RBM28: variants seen among roughly 807,000 people sequenced by gnomAD.
RBM28 encodes the protein RNA binding motif protein 28, also known as RNA-binding protein 28.
RBM28 carries 78 observed loss-of-function variants against 98.3 expected under a neutral mutation model. The observed-to-expected ratio is 0.79, with a 90% CI of 0.66 to 0.96. The LOEUF is 0.96. Ranked by LOEUF, RBM28 falls within the 40% of genes least tolerant of loss-of-function variation. RBM28 has a pLI of 0.00. For missense variants in RBM28, 838 were observed against 913.0 expected, an observed-to-expected ratio of 0.92 and a Z score of 1.06; for synonymous variants, 306 against 330.9, an observed-to-expected ratio of 0.92 and a Z score of 0.82.
Position 128,335,698 on chromosome 7 carries a change from G to T in RBM28, c.810-19C>A. On this transcript the variant is annotated intron_variant, in intron 7 of 18. Coordinates refer to ENST00000223073, the MANE Select transcript of RBM28 (RefSeq NM_018077.3). ...GACTGCTCTGCAATGGCACAGATCAGAACTAAGGAGGTGGGCTGACAGAGG... is the reference window on the plus strand; with the variant it reads ...GACTGCTCTGCAATGGCACAGATCATAACTAAGGAGGTGGGCTGACAGAGG... 6.2e-7 allele frequency: 1 copy of T among 1,614,118 alleles called. No homozygotes were observed. The highest frequency in any genetic ancestry group is 8.5e-7 in the Non-Finnish European group (1 of 1,180,024).
At chr7:128,324,732 G>A (rs1796309913) in intron 11 of RBM28, 38 bp from the exon 12 acceptor site, 1 of 1,613,484 alleles carries the variant, frequency 6.2e-7, no homozygotes, top group Non-Finnish European at 8.5e-7. Flanking sequence ...AACACATAAT[G>A]GCCGGGCACA....
rs949161058 is a variant in RBM28 at position 128,330,009 on chromosome 7, C to T, written c.1129+810G>A. On this transcript the variant is annotated intron_variant, in intron 10 of 18. Coordinates refer to ENST00000223073, the MANE Select transcript of RBM28 (RefSeq NM_018077.3). ...TTTACCTAACAACAGTATACTAGAA[C>T]GAAGAATGGTCAATGCTTAAAACTC... 2.7e-5 allele frequency among the ~76,000 whole-genome samples: 4 copies of T among 148,608 alleles called. No individual in the cohort carries two copies. In the South Asian group the frequency reaches 6.3e-4, roughly 24 times the overall value.
intron 13 of RBM28, among the ~76,000 whole-genome samples, chr7:128,322,607 T>C (rs1796260977): frequency 1.3e-5 from 2 of 152,240 alleles, no homozygotes; most frequent in South Asian, 4.1e-4. Context: ...TTATAATGCA[T>C]ACCTATCATT....
chr7:128,342,844 C>G (rs1289466454), intron 1 of RBM28, among the ~76,000 whole-genome samples: 1 of 152,138 alleles, frequency 6.6e-6, no homozygotes, highest in Non-Finnish European at 1.5e-5. Flanking sequence ...TTTTCTCTTC[C>G]TGAATTGTTC....
intron 8 of RBM28, among the ~76,000 whole-genome samples, chr7:128,334,304 C>T (rs1796550012): frequency 6.6e-6 from 1 of 152,174 alleles, no homozygotes; most frequent in African/African-American, 2.4e-5. Context: ...TTACACTCTT[C>T]TGTGTTGTGT....
In RBM28 at chr7:128,304,533, TGACA is replaced by T. The variant is rs1212164577; in HGVS notation, c.*6260_*6263del. 6.6e-6 allele frequency: 1 copy of T among 152,228 alleles called. No individual in the cohort carries two copies. Among genetic ancestry groups the T allele is most frequent in the Non-Finnish European group, 1.5e-5 (1 of 68,064 alleles). The allele number at this position is 152,228 out of a possible 1,614,324, so 9.4% of individuals were successfully genotyped here. A position where few individuals can be genotyped will look rare whatever the true frequency, so the allele number is the denominator to read the frequency against. On this transcript the variant is annotated 3_prime_UTR_variant, in exon 19 of 19. Coordinates refer to ENST00000223073, the MANE Select transcript of RBM28 (RefSeq NM_018077.3). ...GCACGAAACCTCTCCACTGCTATCC[TGACA>T]GAGATGGGGCATGTACTTCCCAGGG...
At chr7:128,332,613 C>T (rs1035180885) in intron 9 of RBM28, among the ~76,000 whole-genome samples, 4 of 152,132 alleles carry the variant, frequency 2.6e-5, no homozygotes, top group South Asian at 2.1e-4. Flanking sequence ...CAGCCTCCCA[C>T]GGTGCTGAGA....
At position 128,324,584 on chromosome 7, in the gene RBM28, C is replaced by T. The variant is rs758073076; in HGVS notation, c.1314G>A (p.Arg438=). Residue 438 remains arginine (R), a synonymous_variant, in exon 12 of 19, where the codon CGG becomes CGA. Coordinates refer to ENST00000223073, the MANE Select transcript of RBM28 (RefSeq NM_018077.3). ...TTKVKKPTGT[R]NLYLAREGLI... ...AGCCTTCTCGGGCCAGATAGAGATT[C>T]CGGGTGCCAGTCGGCTTCTTCACCT... 1 of 1,614,108 alleles carries T rather than the reference C, an allele frequency of 6.2e-7. No homozygotes were observed. The highest frequency in any genetic ancestry group is 1.3e-5 in the African/African-American group (1 of 74,934).
intron 18 of RBM28, among the ~76,000 whole-genome samples, chr7:128,311,556 GA>G (rs1795986111): frequency 6.6e-6 from 1 of 152,138 alleles, no homozygotes; most frequent in Non-Finnish European, 1.5e-5. Context: ...TCCTGCACTA[GA>G]AAGCAAGGAT....
At chr7:128,333,466 A>C in intron 8 of RBM28, 104 bp from the exon 9 acceptor site, 1 of 980,816 alleles carries the variant, frequency 1.0e-6, no homozygotes, top group Non-Finnish European at 1.6e-6. Flanking sequence ...GCAGTGGCTC[A>C]TGCCACTTTG....
intron 14 of RBM28, among the ~76,000 whole-genome samples, chr7:128,319,420 A>G (rs1449063734): frequency 6.6e-6 from 1 of 152,216 alleles, no homozygotes; most frequent in Non-Finnish European, 1.5e-5. Flanking sequence ...GATAGGAGAA[A>G]TTACACAACT....
chr7:128,330,727 CAA>C, intron 10 of RBM28, 90 bp downstream of exon 10: 1 of 954,184 alleles, frequency 1.0e-6, no homozygotes, highest in African/African-American at 1.6e-5. Flanking sequence ...GTGAACCCCT[CAA>C]AATGGCACAC....
rs1410804316 is a variant in RBM28 at position 128,297,786 on chromosome 7, C to T, written c.*13011G>A. 2.6e-5 allele frequency: 4 copies of T among 152,014 alleles called. No individual in the cohort carries two copies. 9.4% of individuals were successfully genotyped at this position (152,014 alleles called of 1,614,324 possible). A position where few individuals can be genotyped will look rare whatever the true frequency, so the allele number is the denominator to read the frequency against. ...GATAGACTGGATTAAGAAAATGTGG[C>T]ACATATACACATATGCAGCCATAAA... On this transcript the variant is annotated 3_prime_UTR_variant, in exon 19 of 19. Coordinates refer to ENST00000223073, the MANE Select transcript of RBM28 (RefSeq NM_018077.3).
At chr7:128,324,883 G>A (rs1796313738) in intron 11 of RBM28, among the ~76,000 whole-genome samples, 189 bp from the exon 12 acceptor site, 1 of 152,034 alleles carries the variant, frequency 6.6e-6, no homozygotes, top group Non-Finnish European at 1.5e-5. Context: ...GCATGGTGGT[G>A]TGCGCCTGTA....
Position 128,330,881 on chromosome 7 carries a change from T to TG in RBM28, c.1066dup (p.Gln356ProfsTer21). 6.2e-7 allele frequency: 1 copy of TG among 1,614,180 alleles called. No individual in the cohort carries two copies. The highest frequency in any genetic ancestry group is 8.5e-7 in the Non-Finnish European group (1 of 1,180,008). On this transcript the variant is annotated frameshift_variant, in exon 10 of 19. Transcript: ENST00000223073. LOFTEE classifies it high-confidence loss of function. ...GACATATTTGAGTTCTCCAAACTGT[T>TG]GGAGAAGCTCCCCAAGTTCTTCTTC...
chr7:128,320,219 AAAAAAAAAAAAAAAAAG>A (rs1366751818), intron 14 of RBM28, among the ~76,000 whole-genome samples: 5 of 47,662 alleles, frequency 1.0e-4, no homozygotes, highest in East Asian at 8.5e-4. Context: ...CCGTCTCAAA[AAAAAAAAAAAAAAAAAG>A]AAAGAAAGAA....
rs1210150138 is a variant in RBM28 at position 128,308,822 on chromosome 7, A to G, written c.*1975T>C. On this transcript the variant is annotated 3_prime_UTR_variant, in exon 19 of 19. Transcript: ENST00000223073. ...GTGAAAACCCGTCTCTACTAAAAATACAAAAATTAGCCGGGCGTGGTGGCA... is the reference window on the plus strand; with the variant it reads ...GTGAAAACCCGTCTCTACTAAAAATGCAAAAATTAGCCGGGCGTGGTGGCA... 1 of 152,252 alleles carries G rather than the reference A, an allele frequency of 6.6e-6. No homozygotes were observed. Among genetic ancestry groups the G allele is most frequent in the African/African-American group, 2.4e-5 (1 of 41,404 alleles). 9.4% of individuals were successfully genotyped at this position (152,252 alleles called of 1,614,324 possible). A position where few individuals can be genotyped will look rare whatever the true frequency, so the allele number is the denominator to read the frequency against.
intron 11 of RBM28, 49 bp from the exon 12 acceptor site, chr7:128,324,743 G>A: frequency 6.2e-7 from 1 of 1,612,682 alleles, no homozygotes. Context: ...GCCGGGCACA[G>A]TGGCTCACAC....
Position 128,338,308 on chromosome 7 carries a change from G to A in RBM28, c.483C>T (p.Phe161=), listed in dbSNP as rs147630396. ...CTTTACCTGCTTCTAGGAGGTTTTT[G>A]AACTGAACAAAACCAAAACCGCGCA... is the stretch of plus-strand genomic sequence containing the variant. ...GKMRGFGFVQ[F]KNLLEAGKAL... Residue 161 remains phenylalanine, a synonymous_variant, in exon 5 of 19, where the codon TTC becomes TTT. Coordinates refer to ENST00000223073, the MANE Select transcript of RBM28 (RefSeq NM_018077.3). The A allele has an allele frequency of 2.5e-6, 4 of 1,614,120 alleles. No homozygotes were observed. Among genetic ancestry groups the A allele is most frequent in the Non-Finnish European group, 3.4e-6 (4 of 1,180,016 alleles).
Sources: gnomAD v4.1 joint callset for allele counts (sites outside exome capture counted in the v4.1 genomes callset) on GRCh38, gnomAD v4.1.1 for gene constraint, MANE v1.5 for transcripts, NCBI Gene and HGNC (gene_info 2026-07-23, HGNC 2026-07-21) for gene names.